The following NDUFA9 variants were observed in gnomAD, a reference collection of about 807,000 sequenced individuals.
NDUFA9 encodes NADH dehydrogenase [ubiquinone] 1 alpha subcomplex subunit 9, mitochondrial.
A neutral mutation model predicts 45.9 loss-of-function variants in NDUFA9; 23 were observed. That is an observed-to-expected ratio of 0.50 (90% CI 0.36 to 0.71). The LOEUF (loss-of-function observed/expected upper bound fraction) is 0.71. Among genes scored for constraint, NDUFA9 ranks in the 30% least tolerant of loss-of-function variants. NDUFA9 has a pLI of 0.00. For missense variants in NDUFA9, 466 were observed against 488.2 expected, an observed-to-expected ratio of 0.95 and a Z score of 0.43; for synonymous variants, 176 against 170.5, an observed-to-expected ratio of 1.03 and a Z score of -0.25.
intron 8 of NDUFA9, among the ~76,000 whole-genome samples, chr12:4,670,035 A>G (rs977207887): frequency 6.6e-6 from 1 of 152,178 alleles, no homozygotes; most frequent in African/African-American, 2.4e-5. Flanking sequence ...TATTACATAT[A>G]CTTAGTCCAG....
rs1946025707 is a variant in NDUFA9, at chr12:4,692,911, G to C, written c.*5803G>C. ...GCTCACTGTTCTGTAGGCTGTACAAGCATGGCACTAACATCTGCTTGGCAT... is the reference window on the plus strand; with the variant it reads ...GCTCACTGTTCTGTAGGCTGTACAACCATGGCACTAACATCTGCTTGGCAT... On this transcript the variant is annotated 3_prime_UTR_variant, in exon 11 of 11. Transcript: ENST00000266544. The C allele has an allele frequency of 6.6e-6, 1 of 152,356 alleles. No individual in the cohort carries two copies. The highest frequency in any genetic ancestry group is 6.5e-5 in the Admixed American group (1 of 15,280). 9.4% of individuals were successfully genotyped at this position (152,356 alleles called of 1,614,324 possible). A position where few individuals can be genotyped will look rare whatever the true frequency, so the allele number is the denominator to read the frequency against.
chr12:4,658,435 A>G (rs1194974120), intron 4 of NDUFA9, among the ~76,000 whole-genome samples: 1 of 152,044 alleles, frequency 6.6e-6, no homozygotes, highest in African/African-American at 2.4e-5. Context: ...ATCCCCCCTA[A>G]TGATTAACAT....
intron 10 of NDUFA9, among the ~76,000 whole-genome samples, chr12:4,686,329 A>G (rs888161453): frequency 4.6e-5 from 7 of 152,212 alleles, no homozygotes; most frequent in Admixed American, 4.6e-4. Flanking sequence ...ACAGTTCATT[A>G]TCTTTCCCTA....
chr12:4,662,493 G>T (rs775034211), intron 5 of NDUFA9, 40 bp from the exon 6 acceptor site: 40 of 1,478,204 alleles, frequency 2.7e-5, no homozygotes, highest in Non-Finnish European at 3.8e-5. Context: ...TTATTCACTT[G>T]TCTCTAAACT....
At chr12:4,662,091 TAGG>T (rs1304529530) in intron 5 of NDUFA9, among the ~76,000 whole-genome samples, 1 of 152,218 alleles carries the variant, frequency 6.6e-6, no homozygotes, top group East Asian at 1.9e-4. Flanking sequence ...CAATTGAGAT[TAGG>T]AGGATTAGTG....
intron 9 of NDUFA9, 141 bp downstream of exon 9, chr12:4,682,441 A>C: frequency 4.3e-6 from 2 of 470,324 alleles, no homozygotes; most frequent in Non-Finnish European, 7.7e-6. Context: ...CATAGAGAAG[A>C]AGCAGAAATA....
chr12:4,669,890 C>T (rs1026115449), intron 8 of NDUFA9, 73 bp downstream of exon 8: 3 of 1,109,876 alleles, frequency 2.7e-6, no homozygotes, highest in African/African-American at 1.5e-5. Flanking sequence ...TAGTTACTAA[C>T]AGATTTATTT....
chr12:4,661,001 TG>T (rs1305538407), intron 5 of NDUFA9, among the ~76,000 whole-genome samples: 39 of 136,552 alleles, frequency 2.9e-4, no homozygotes, highest in African/African-American at 1.0e-3. Context: ...GGAGTTGGTA[TG>T]TTTTTTTTTA....
intron 4 of NDUFA9, 90 bp from the exon 5 acceptor site, chr12:4,658,946 A>G: frequency 1.5e-6 from 2 of 1,307,644 alleles, no homozygotes; most frequent in Non-Finnish European, 1.1e-6. Flanking sequence ...TGTGAATTTC[A>G]GTACTGTTAT....
intron 3 of NDUFA9, among the ~76,000 whole-genome samples, chr12:4,656,127 A>G (rs1945789253): frequency 6.6e-6 from 1 of 152,278 alleles, no homozygotes; most frequent in South Asian, 2.1e-4. Context: ...ATCCCTTTAA[A>G]TTTTGATTTA....
At chr12:4,651,852 A>C (rs554901901) in intron 1 of NDUFA9, among the ~76,000 whole-genome samples, 1 of 152,164 alleles carries the variant, frequency 6.6e-6, no homozygotes, top group East Asian at 1.9e-4. Context: ...CTTTCCACGT[A>C]ATTTGCTGCC....
chr12:4,654,853 C>T lies in NDUFA9; in HGVS notation c.249C>T (p.Pro83=), dbSNP rs1335738716. The change falls in exon 3 of 11, where the codon CCC becomes CCT. Residue 83 remains proline, a synonymous_variant. Transcript: ENST00000266544. The stretch of plus-strand genomic sequence containing the variant: ...GCATGGGGTCACAGGTAATCATACC[C>T]TATCGGTGTGATAAATATGACATCA... The part of the protein sequence containing the change: ...LGRMGSQVII[P]YRCDKYDIMH... The T allele has an allele frequency of 6.2e-7, 1 of 1,613,824 alleles. No homozygotes were observed. The highest frequency in any genetic ancestry group is 2.2e-5 in the East Asian group (1 of 44,874).
At chr12:4,670,544 A>C (rs1945880362) in intron 8 of NDUFA9, among the ~76,000 whole-genome samples, 1 of 152,218 alleles carries the variant, frequency 6.6e-6, no homozygotes, top group African/African-American at 2.4e-5. Context: ...ATTCATAAGA[A>C]ATGTTTGCCT....
intron 4 of NDUFA9, among the ~76,000 whole-genome samples, chr12:4,658,064 G>A (rs1453071499): frequency 1.3e-5 from 2 of 152,218 alleles, no homozygotes; most frequent in African/African-American, 2.4e-5. Context: ...TAAAAAGCCA[G>A]TAGGTGGTAT....
chr12:4,678,894 C>A (rs1290196881), intron 8 of NDUFA9, among the ~76,000 whole-genome samples: 1 of 152,042 alleles, frequency 6.6e-6, no homozygotes, highest in East Asian at 1.9e-4. Context: ...ATAAATTTAC[C>A]ATATGGCCTA....
At position 4,657,677 on chromosome 12, in the gene NDUFA9, G is replaced by A. The variant is rs112635332; in HGVS notation, c.319-71G>A. 4.7e-3 allele frequency: 5,070 copies of A among 1,087,322 alleles called. 137 individuals are homozygous for A. In the African/African-American group the frequency reaches 0.063, roughly 14 times the overall value. The allele number at this position is 1,087,322 out of a possible 1,614,324, so 67.4% of individuals were successfully genotyped here. A position where few individuals can be genotyped will look rare whatever the true frequency, so the allele number is the denominator to read the frequency against. ...TGGCCCATTTTGAAACTTGCATTGAGGAGGCTGCAGAAGTGTTGAGTGCTG... is the reference window on the plus strand; with the variant it reads ...TGGCCCATTTTGAAACTTGCATTGAAGAGGCTGCAGAAGTGTTGAGTGCTG... On this transcript the variant is annotated intron_variant, in intron 3 of 10. Transcript: ENST00000266544.
intron 1 of NDUFA9, among the ~76,000 whole-genome samples, 185 bp downstream of exon 1, chr12:4,649,360 A>G (rs944970553): frequency 6.6e-6 from 1 of 152,138 alleles, no homozygotes; most frequent in East Asian, 1.9e-4. Flanking sequence ...CACATATTCA[A>G]TTGTGCACCA....
At chr12:4,670,167 A>G (rs1473796046) in intron 8 of NDUFA9, among the ~76,000 whole-genome samples, 1 of 152,228 alleles carries the variant, frequency 6.6e-6, no homozygotes. Context: ...ATAAAACCAC[A>G]TTAATTTTGA....
At chr12:4,653,617 A>G (rs979584218) in intron 1 of NDUFA9, 3 of 452,362 alleles carry the variant, frequency 6.6e-6, no homozygotes, top group African/African-American at 6.0e-5. Context: ...AAGTCAGAAT[A>G]TCTTTTCTCA....
Sources: allele counts gnomAD v4.1 joint callset (sites outside exome capture counted in the v4.1 genomes callset), GRCh38; gene constraint gnomAD v4.1.1; transcripts MANE v1.5; gene names NCBI Gene and HGNC (gene_info 2026-07-23, HGNC 2026-07-21).